WFDC3: variants seen among roughly 807,000 people sequenced by gnomAD.
WFDC3 encodes the protein WAP four-disulfide core domain 3.
A neutral mutation model predicts 25.8 loss-of-function variants in WFDC3; 15 were observed. That is an observed-to-expected ratio of 0.58 (90% CI 0.39 to 0.89). WFDC3 has a LOEUF of 0.89. Among genes scored for constraint, WFDC3 ranks in the 40% least tolerant of loss-of-function variants. The probability of loss-of-function intolerance (pLI) is 0.00; values close to 1 mark genes in which losing one functional copy is unlikely to be tolerated. For synonymous variants in WFDC3, 103 were observed against 107.1 expected, an observed-to-expected ratio of 0.96 and a Z score of 0.24; for missense variants, 264 against 289.8, an observed-to-expected ratio of 0.91 and a Z score of 0.65.
At chr20:45,788,872 T>A in intron 3 of WFDC3, 59 bp downstream of exon 3, 1 of 1,548,054 alleles carries the variant, frequency 6.5e-7, no homozygotes, top group African/African-American at 1.4e-5. Flanking sequence ...TCTACTTCCA[T>A]CTATCCCAGA....
At chr20:45,787,041 C>T (rs1980698389) in intron 4 of WFDC3, among the ~76,000 whole-genome samples, 1 of 141,384 alleles carries the variant, frequency 7.1e-6, no homozygotes, top group Non-Finnish European at 1.5e-5. Flanking sequence ...TTGCAGTGAG[C>T]CAAGATCACA....
intron 4 of WFDC3, among the ~76,000 whole-genome samples, chr20:45,781,987 A>G (rs1352933376): frequency 1.3e-5 from 2 of 152,204 alleles, no homozygotes; most frequent in African/African-American, 4.8e-5. Context: ...CCAGACACCC[A>G]GGGAGGCCAT....
rs145939035 is a variant in WFDC3 at position 45,789,931 on chromosome 20, A to C, written c.45T>G (p.Leu15=). 1.2e-5 allele frequency: 19 copies of C among 1,614,164 alleles called. No individual in the cohort carries two copies. The African/African-American group carries it at 2.3e-4, about 19-fold the overall frequency. Residue 15 remains leucine (L), a synonymous_variant, in exon 2 of 7, where the codon CTT becomes CTG. Coordinates refer to ENST00000243938, the MANE Select transcript of WFDC3 (RefSeq NM_080614.2). ...CLFLLKALLA[L]GSLESWITAG... is the part of the protein sequence containing the mutation. ...CAGTTATCCAGGATTCCAGAGACCC[A>C]AGAGCAAGAAGTGCCTTCAGAAGAA...
intron 4 of WFDC3, among the ~76,000 whole-genome samples, chr20:45,781,740 C>T (rs1980453545): frequency 6.6e-6 from 1 of 152,166 alleles, no homozygotes; most frequent in African/African-American, 2.4e-5. Context: ...ACCAAGATTC[C>T]AGACTCTCAG....
Position 45,789,990 on chromosome 20 carries a change from T to C in WFDC3, c.-7-8A>G, listed in dbSNP as rs201723381. The C allele has an allele frequency of 2.3e-5, 37 of 1,612,332 alleles. No individual in the cohort carries two copies. Among genetic ancestry groups the C allele is most frequent in the African/African-American group, 1.2e-4 (9 of 74,782 alleles). On this transcript the variant is annotated splice_region_variant and splice_polypyrimidine_tract_variant and intron_variant, in intron 1 of 6. Transcript: ENST00000243938. ...CTTAACATCATGATGATGCTGAGAG[T>C]TGGGACAAGAGCTCAGTTCAGGCTA...
intron 2 of WFDC3, 86 bp from the exon 3 acceptor site, chr20:45,789,145 T>A: frequency 6.5e-7 from 1 of 1,547,768 alleles, no homozygotes; most frequent in African/African-American, 1.4e-5. Context: ...GGCATCTCTA[T>A]CCAAAATATT....
At chr20:45,776,629 A>T (rs1337551469) in intron 5 of WFDC3, among the ~76,000 whole-genome samples, 262 of 66,966 alleles carry the variant, frequency 3.9e-3, no homozygotes, top group Middle Eastern at 7.2e-3. Context: ...AAAGAAAAAA[A>T]AAAAAAATAT....
intron 4 of WFDC3, among the ~76,000 whole-genome samples, chr20:45,783,102 C>T (rs2034814666): frequency 6.6e-6 from 1 of 152,108 alleles, no homozygotes; most frequent in Non-Finnish European, 1.5e-5. Context: ...TGGCAAGGAC[C>T]ACGGCTGCCT....
chr20:45,777,305 T>A, intron 4 of WFDC3, 96 bp from the exon 5 acceptor site: 3 of 1,128,600 alleles, frequency 2.7e-6, no homozygotes, highest in Non-Finnish European at 3.4e-6. Context: ...GTTATATATT[T>A]ATATACATAT....
intron 2 of WFDC3, 42 bp from the exon 3 acceptor site, chr20:45,789,101 C>T (rs750468791): frequency 6.8e-6 from 11 of 1,608,006 alleles, no homozygotes; most frequent in Non-Finnish European, 9.3e-6. Context: ...CTAGCCAGGC[C>T]TCAGAAATGG....
intron 4 of WFDC3, among the ~76,000 whole-genome samples, chr20:45,782,040 C>T (rs528007261): frequency 1.3e-5 from 2 of 152,262 alleles, no homozygotes; most frequent in Non-Finnish European, 2.9e-5. Flanking sequence ...TGTTAATAAG[C>T]AAAACAGAGG....
chr20:45,783,345 G>A (rs1156856194), intron 4 of WFDC3, among the ~76,000 whole-genome samples: 1 of 152,016 alleles, frequency 6.6e-6, no homozygotes, highest in Non-Finnish European at 1.5e-5. Flanking sequence ...GGACACAGTG[G>A]TTTGTGCCTG....
chr20:45,782,671 C>T (rs1980502191), intron 4 of WFDC3, among the ~76,000 whole-genome samples: 2 of 152,186 alleles, frequency 1.3e-5, no homozygotes, highest in Admixed American at 6.5e-5. Context: ...CCACTGCGTT[C>T]GGCCGCCTTC....
Position 45,776,608 on chromosome 20 carries a change from AAAAAGAAAAAAAAG to A in WFDC3, c.493+453_493+466del, listed in dbSNP as rs1200993783. On this transcript the variant is annotated intron_variant, in intron 5 of 6. Transcript: ENST00000243938. ...CCAAGACTCTGTCTCAAAAAAAAAA[AAAAAGAAAAAAAAG>A]AAAAAAAAAAAAAATATATATATAT... Among the ~76,000 whole-genome samples the A allele has an allele frequency of 5.8e-3, 302 of 51,822 alleles. 4 individuals carry two copies. The highest frequency in any genetic ancestry group is 9.3e-3 in the Admixed American group (42 of 4,492). The allele number at this position is 51,822 out of a possible 152,430, so 34.0% of individuals were successfully genotyped here.
In WFDC3 at chr20:45,790,063, A is replaced by G. The variant is rs146157597; in HGVS notation, c.-7-81T>C. 5.5e-4 allele frequency: 603 copies of G among 1,102,088 alleles called. No individual in the cohort carries two copies. In the African/African-American group the frequency reaches 8.3e-3, roughly 15 times the overall value. The allele number at this position is 1,102,088 out of a possible 1,614,324, so 68.3% of individuals were successfully genotyped here. A position where few individuals can be genotyped will look rare whatever the true frequency, so the allele number is the denominator to read the frequency against. On this transcript the variant is annotated intron_variant, in intron 1 of 6. Coordinates refer to ENST00000243938, the MANE Select transcript of WFDC3 (RefSeq NM_080614.2). ...TATCAGCTGAGGTATGAGCAGGACT[A>G]GGGATGGCCCCAAACCCAGTCCCAA...
At chr20:45,786,241 T>C (rs1479761353) in intron 4 of WFDC3, among the ~76,000 whole-genome samples, 1 of 151,986 alleles carries the variant, frequency 6.6e-6, no homozygotes, top group African/African-American at 2.4e-5. Context: ...AATACAAAAA[T>C]TAGCCAGGTG....
intron 3 of WFDC3, 144 bp downstream of exon 3, chr20:45,788,787 G>T: frequency 9.0e-7 from 1 of 1,111,742 alleles, no homozygotes; most frequent in Non-Finnish European, 1.2e-6. Context: ...AAAGGAGGAG[G>T]GACCCTAAAA....
In WFDC3 at chr20:45,774,327, A is replaced by G. The variant is rs1200459749; in HGVS notation, c.*101T>C. ...GAGAAGCAGAGCAGAGAGGGCCATG[A>G]GTGCCCCTGGAAATGTCACAAGCCC... On this transcript the variant is annotated 3_prime_UTR_variant, in exon 7 of 7. Coordinates refer to ENST00000243938, the MANE Select transcript of WFDC3 (RefSeq NM_080614.2). The G allele has an allele frequency of 6.6e-7, 1 of 1,509,010 alleles. No individual in the cohort carries two copies. Among genetic ancestry groups the G allele is most frequent in the African/African-American group, 1.4e-5 (1 of 72,872 alleles). 93.5% of individuals were successfully genotyped at this position (1,509,010 alleles called of 1,614,324 possible). A position where few individuals can be genotyped will look rare whatever the true frequency, so the allele number is the denominator to read the frequency against.
chr20:45,775,859 C>T (rs1980119204), intron 5 of WFDC3, among the ~76,000 whole-genome samples: 1 of 150,212 alleles, frequency 6.7e-6, no homozygotes, highest in South Asian at 2.1e-4. Context: ...GACACCTCTG[C>T]AGGTTTGGGG....
Sources: allele counts gnomAD v4.1 joint callset (sites outside exome capture counted in the v4.1 genomes callset), GRCh38; gene constraint gnomAD v4.1.1; transcripts MANE v1.5; gene names NCBI Gene and HGNC (gene_info 2026-07-23, HGNC 2026-07-21).